DLG2: variants seen among roughly 807,000 people sequenced by gnomAD.
The protein encoded by DLG2 is discs large MAGUK scaffold protein 2, also known as disks large homolog 2.
A neutral mutation model predicts 132.5 loss-of-function variants in DLG2; 45 were observed. The ratio of observed to expected loss-of-function variants is 0.34; its 90% confidence interval spans 0.27 to 0.44. DLG2 has a LOEUF of 0.44. Among genes scored for constraint, DLG2 ranks in the 20% least tolerant of loss-of-function variants. DLG2 has a pLI of 1.00. For synonymous variants in DLG2, 424 were observed against 419.6 expected (o/e 1.01, Z -0.13); for missense variants, 1,045 against 1,196.9 (o/e 0.87, Z 1.87).
chr11:85,154,376 G>C (rs542328915), intron 5 of DLG2, among the ~76,000 whole-genome samples, 180 bp downstream of exon 5: 1 of 152,254 alleles, frequency 6.6e-6, no homozygotes, highest in East Asian at 1.9e-4. Context: ...ACTACTCAAC[G>C]TGATACACAT....
intron 6 of DLG2, among the ~76,000 whole-genome samples, chr11:84,626,726 C>T (rs1016987285): frequency 1.3e-5 from 2 of 152,184 alleles, no homozygotes; most frequent in African/African-American, 4.8e-5. Flanking sequence ...GGAACATGTA[C>T]AGGAGCAGCA....
intron 14 of DLG2, among the ~76,000 whole-genome samples, chr11:83,945,845 T>TGTGTGTGTG (rs1555194131): frequency 2.0e-5 from 3 of 150,626 alleles, no homozygotes; most frequent in African/African-American, 4.9e-5. Flanking sequence ...TGTGTGTGTG[T>TGTGTGTGTG]TTTCTAATGT....
intron 3 of DLG2, among the ~76,000 whole-genome samples, chr11:85,364,005 A>G (rs1003858612): frequency 1.3e-5 from 2 of 152,140 alleles, no homozygotes; most frequent in African/African-American, 4.8e-5. Flanking sequence ...TTAATAGAAG[A>G]TTTGTCAGAA....
chr11:84,165,473 G>T (rs1425560683), intron 8 of DLG2, among the ~76,000 whole-genome samples: 1 of 152,082 alleles, frequency 6.6e-6, no homozygotes, highest in Non-Finnish European at 1.5e-5. Context: ...ATAAACTATT[G>T]CAGGCTTATA....
At chr11:85,481,807 C>T (rs755470596) in intron 3 of DLG2, among the ~76,000 whole-genome samples, 2 of 152,056 alleles carry the variant, frequency 1.3e-5, no homozygotes, top group Non-Finnish European at 2.9e-5. Flanking sequence ...TGGACCCAGC[C>T]CCCAGGCCAG....
chr11:84,401,055 AAT>A (rs1378889714), intron 7 of DLG2, among the ~76,000 whole-genome samples: 1 of 152,126 alleles, frequency 6.6e-6, no homozygotes, highest in Non-Finnish European at 1.5e-5. Context: ...TAATCTTCAT[AAT>A]AGCCCTATCG....
intron 6 of DLG2, among the ~76,000 whole-genome samples, chr11:84,564,035 C>T (rs754368460): frequency 9.9e-5 from 15 of 152,106 alleles, no homozygotes; most frequent in Non-Finnish European, 1.3e-4. Context: ...CAGTCTCACT[C>T]GCTTATATTC....
chr11:84,386,402 ATCTC>A (rs1457970189), intron 7 of DLG2, among the ~76,000 whole-genome samples: 2 of 151,962 alleles, frequency 1.3e-5, no homozygotes, highest in Admixed American at 6.6e-5. Flanking sequence ...TTTCTTAAAA[ATCTC>A]TCTCTTATTT....
At chr11:84,795,443 C>A (rs1434210403) in intron 6 of DLG2, among the ~76,000 whole-genome samples, 1 of 151,656 alleles carries the variant, frequency 6.6e-6, no homozygotes, top group Non-Finnish European at 1.5e-5. Context: ...GGTTTCCTCC[C>A]TGCTGAGAGC....
chr11:84,722,483 A>G (rs985496625), intron 6 of DLG2, among the ~76,000 whole-genome samples: 1 of 152,118 alleles, frequency 6.6e-6, no homozygotes, highest in African/African-American at 2.4e-5. Flanking sequence ...TGCCCCACCC[A>G]TATCCAAAAT....
At chr11:84,748,588 C>T (rs1392203530) in intron 6 of DLG2, among the ~76,000 whole-genome samples, 1 of 152,082 alleles carries the variant, frequency 6.6e-6, no homozygotes. Context: ...TGCTTATTTG[C>T]TAATTTATTT....
At chr11:84,184,308 G>T (rs2096225907) in intron 8 of DLG2, among the ~76,000 whole-genome samples, 2 of 151,142 alleles carry the variant, frequency 1.3e-5, no homozygotes, top group African/African-American at 4.8e-5. Context: ...GTTTTGATTT[G>T]CATTTCTCTG....
At chr11:84,150,882 T>G (rs898228204) in intron 9 of DLG2, among the ~76,000 whole-genome samples, 3 of 152,226 alleles carry the variant, frequency 2.0e-5, no homozygotes, top group African/African-American at 7.2e-5. Context: ...ATTTTGTTTT[T>G]AGTTCTGTTT....
intron 18 of DLG2, among the ~76,000 whole-genome samples, chr11:83,659,167 C>A (rs2073577714): frequency 6.6e-6 from 1 of 152,138 alleles, no homozygotes; most frequent in Non-Finnish European, 1.5e-5. Flanking sequence ...TAAGCATTTA[C>A]TTTTGTCATC....
chr11:83,599,301 A>G (rs924716609), intron 19 of DLG2, among the ~76,000 whole-genome samples: 3 of 152,022 alleles, frequency 2.0e-5, no homozygotes. Flanking sequence ...TCCAGAGGAG[A>G]GTAGGCTTCT....
chr11:84,755,460 G>A (rs1332930402), intron 6 of DLG2, among the ~76,000 whole-genome samples: 2 of 152,112 alleles, frequency 1.3e-5, no homozygotes, highest in Admixed American at 1.3e-4. Context: ...GTCTCGCTCT[G>A]TAGCCCAGGC....
At chr11:85,297,130 T>C (rs945307802) in intron 3 of DLG2, among the ~76,000 whole-genome samples, 2 of 152,188 alleles carry the variant, frequency 1.3e-5, no homozygotes, top group East Asian at 3.9e-4. Context: ...TCACCTTTCT[T>C]TTTCCCCAAC....
chr11:84,134,256 A>T (rs1029572420), intron 9 of DLG2, among the ~76,000 whole-genome samples: 13 of 152,104 alleles, frequency 8.5e-5, no homozygotes, highest in Non-Finnish European at 1.5e-5. Flanking sequence ...TTAGGTAGAA[A>T]CAGTCTTCCT....
At chr11:85,441,281 C>G (rs993140424) in intron 3 of DLG2, among the ~76,000 whole-genome samples, 5 of 152,162 alleles carry the variant, frequency 3.3e-5, no homozygotes, top group Non-Finnish European at 7.4e-5. Context: ...ACCGACCCTA[C>G]TCTAAATATG....
Sources: gnomAD v4.1 joint callset for allele counts (sites outside exome capture counted in the v4.1 genomes callset) on GRCh38, gnomAD v4.1.1 for gene constraint, MANE v1.5 for transcripts, NCBI Gene and HGNC (gene_info 2026-07-23, HGNC 2026-07-21) for gene names.